The following SHISA7 variants were observed in gnomAD, a reference collection of about 807,000 sequenced individuals.
SHISA7 encodes the protein shisa family member 7, also known as protein shisa-7.
SHISA7 carries 6 observed loss-of-function variants against 23.9 expected under a neutral mutation model. The observed-to-expected ratio is 0.25, with a 90% CI of 0.14 to 0.50. The LOEUF is 0.50. Ranked by LOEUF, SHISA7 falls within the 20% of genes least tolerant of loss-of-function variation. The pLI, the probability that SHISA7 is intolerant of heterozygous loss-of-function variation, is 0.98. For missense variants in SHISA7, 671 were observed against 801.1 expected (o/e 0.84, Z 1.96); for synonymous variants, 386 against 398.3 (o/e 0.97, Z 0.37).
Position 55,433,210 on chromosome 19 carries a change from G to T in SHISA7, c.1563C>A (p.Gly521=). 6.5e-7 allele frequency: 1 copy of T among 1,529,346 alleles called. No homozygotes were observed. Among genetic ancestry groups the T allele is most frequent in the South Asian group, 1.2e-5 (1 of 83,802 alleles). The allele number at this position is 1,529,346 out of a possible 1,614,324, so 94.7% of individuals were successfully genotyped here. ...GTLEQLQFIP[G]HHLPQHLRTA... is the part of the protein sequence containing the mutation. The stretch of plus-strand genomic sequence containing the variant: ...TGCGCAGGTGCTGGGGCAGGTGGTG[G>T]CCCGGGATGAACTGCAGCTGCTCCA... Residue 521 remains glycine, a synonymous_variant, in exon 4 of 4, where the codon GGC becomes GGA. Coordinates refer to ENST00000376325, the MANE Select transcript of SHISA7 (RefSeq NM_001145176.2). The surrounding 1 kb of genome is among the most constrained non-coding windows in gnomAD (Gnocchi z 8.4).
rs1985496680 is a variant in SHISA7 at position 55,437,652 on chromosome 19, G to A, written c.929C>T (p.Ala310Val). 25 of 1,551,504 alleles carry A rather than the reference G, an allele frequency of 1.6e-5. No homozygotes were observed. Among genetic ancestry groups the A allele is most frequent in the Non-Finnish European group, 2.1e-5 (24 of 1,146,970 alleles). Reference sequence around the variant, plus strand: ...GCGGTTCAGCTCGGATTTCACGGCAGCCTCGTAGGACGGGGGCAGATGCGA... The same window carrying A: ...GCGGTTCAGCTCGGATTTCACGGCAACCTCGTAGGACGGGGGCAGATGCGA... ...NLSHLPPSYE[A>V]AVKSELNRYS... is the part of the protein sequence containing the mutation. Residue 310 changes from alanine (A) to valine (V), a missense_variant, in exon 3 of 4, where the codon GCT becomes GTT. By Grantham distance (64) the Ala-to-Val change is moderately conservative. Coordinates refer to ENST00000376325, the MANE Select transcript of SHISA7 (RefSeq NM_001145176.2).
intron 2 of SHISA7, among the ~76,000 whole-genome samples, chr19:55,438,299 G>A (rs938973750): frequency 4.6e-5 from 7 of 152,314 alleles, no homozygotes; most frequent in South Asian, 2.1e-4. Flanking sequence ...GCCCCAAGAG[G>A]GGGGTACTGG....
chr19:55,442,340 C>T lies in SHISA7; in HGVS notation c.524G>A (p.Gly175Asp), dbSNP rs1599875340. The T allele has an allele frequency of 2.0e-6, 3 of 1,467,244 alleles. No homozygotes were observed. The highest frequency in any genetic ancestry group is 1.8e-6 in the Non-Finnish European group (2 of 1,115,026). 90.9% of individuals were successfully genotyped at this position (1,467,244 alleles called of 1,614,324 possible). A position where few individuals can be genotyped will look rare whatever the true frequency, so the allele number is the denominator to read the frequency against. The stretch of plus-strand genomic sequence containing the variant: ...GCCCCCGGGGCCCTCGCCCCCGCGG[C>T]CCCCGGCACCCCCAGTCCGGCCCCC... ...LEGGRTGGAG[G>D]RGGEGPGGST... Residue 175 changes from glycine to aspartate, a missense_variant, in exon 1 of 4, where the codon GGC (glycine) becomes GAC (aspartate). By Grantham distance (94) the Gly-to-Asp change is moderately conservative. This residue lies in a region of SHISA7 where 59 missense variants were observed against 57.2 expected (regional missense o/e 1.03). Coordinates refer to ENST00000376325, the MANE Select transcript of SHISA7 (RefSeq NM_001145176.2).
Position 55,443,109 on chromosome 19 carries a change from T to G in SHISA7, c.-246A>C. Among the ~76,000 whole-genome samples the G allele has an allele frequency of 6.8e-6, 1 of 146,662 alleles. No homozygotes were observed. Among genetic ancestry groups the G allele is most frequent in the African/African-American group, 2.5e-5 (1 of 39,378 alleles). ...CCGCCCCACGCGCGGTGGGCGACGA[T>G]GGGAGAGTAATGGAAACGCGCCCGG... On this transcript the variant is annotated 5_prime_UTR_variant, in exon 1 of 4. Coordinates refer to ENST00000376325, the MANE Select transcript of SHISA7 (RefSeq NM_001145176.2).
Position 55,442,848 on chromosome 19 carries a change from G to A in SHISA7, c.16C>T (p.Leu6Phe). 1 of 1,391,054 alleles carries A rather than the reference G, an allele frequency of 7.2e-7. No individual in the cohort carries two copies. The highest frequency in any genetic ancestry group is 9.3e-7 in the Non-Finnish European group (1 of 1,074,820). 86.2% of individuals were successfully genotyped at this position (1,391,054 alleles called of 1,614,324 possible). A position where few individuals can be genotyped will look rare whatever the true frequency, so the allele number is the denominator to read the frequency against. MPALLLLVLLASSAGQ... is the reference protein window; with the variant it reads MPALLFLVLLASSAGQ... Reference sequence around the variant, plus strand: ...GCGCTAGAGGCCAGGAGTACGAGGAGCAGGAGGGCCGGCATGGGGCTTGCA... The same window carrying A: ...GCGCTAGAGGCCAGGAGTACGAGGAACAGGAGGGCCGGCATGGGGCTTGCA... The change falls in exon 1 of 4, where the codon CTC becomes TTC. Residue 6 changes from leucine (L) to phenylalanine (F), a missense_variant. Transcript: ENST00000376325.
chr19:55,437,221 C>A (rs1006999210), intron 3 of SHISA7, among the ~76,000 whole-genome samples: 1 of 152,130 alleles, frequency 6.6e-6, no homozygotes, highest in African/African-American at 2.4e-5. Flanking sequence ...AAATGAGGCC[C>A]GCCGGTGGCG....
At chr19:55,439,722 C>T (rs1293265870) in intron 2 of SHISA7, among the ~76,000 whole-genome samples, 1 of 152,058 alleles carries the variant, frequency 6.6e-6, no homozygotes, top group Non-Finnish European at 1.5e-5. Flanking sequence ...CGCCTCTCCT[C>T]CTCCAGGCCT....
intron 1 of SHISA7, 102 bp downstream of exon 1, chr19:55,442,091 C>T (rs568304859): frequency 3.1e-4 from 380 of 1,207,600 alleles, no homozygotes; most frequent in Non-Finnish European, 3.8e-4. Flanking sequence ...GGTCTCTGAC[C>T]ACCACGCCCT....
rs1985221172 is a variant in SHISA7 at position 55,432,139 on chromosome 19, G to C, written c.*1017C>G. The stretch of plus-strand genomic sequence containing the variant: ...ACACAGACCATCATCTCTGGAGGAG[G>C]CCCTCCACATGGGCGGCTCCCCAGC... On this transcript the variant is annotated 3_prime_UTR_variant, in exon 4 of 4. Coordinates refer to ENST00000376325, the MANE Select transcript of SHISA7 (RefSeq NM_001145176.2). This position sits in a 1 kb window ranked among gnomAD's most constrained non-coding sequence, Gnocchi z 4.6. The C allele has an allele frequency of 6.5e-6, 1 of 152,682 alleles. No individual in the cohort carries two copies. Among genetic ancestry groups the C allele is most frequent in the African/African-American group, 2.4e-5 (1 of 41,414 alleles). 9.5% of individuals were successfully genotyped at this position (152,682 alleles called of 1,614,324 possible).
At position 55,433,400 on chromosome 19, in the gene SHISA7, G is replaced by A. The variant is rs1985261381; in HGVS notation, c.1373C>T (p.Pro458Leu). ...AASHSNLLLG[P>L]GGPPTPLRGL... Reference sequence around the variant, plus strand: ...GCGCAGCGGTGTTGGGGGCCCCCCGGGCCCCAGCAGCAGGTTGGAGTGCGA... The same window carrying A: ...GCGCAGCGGTGTTGGGGGCCCCCCGAGCCCCAGCAGCAGGTTGGAGTGCGA... Residue 458 changes from proline (P) to leucine (L), a missense_variant, in exon 4 of 4, where the codon CCC (proline) becomes CTC (leucine). Transcript: ENST00000376325. The surrounding 1 kb of genome is among the most constrained non-coding windows in gnomAD (Gnocchi z 8.4). 4 of 1,326,114 alleles carry A rather than the reference G, an allele frequency of 3.0e-6. No individual in the cohort carries two copies. Among genetic ancestry groups the A allele is most frequent in the Non-Finnish European group, 3.8e-6 (4 of 1,046,582 alleles). 82.1% of individuals were successfully genotyped at this position (1,326,114 alleles called of 1,614,324 possible).
At position 55,432,987 on chromosome 19, in the gene SHISA7, T is replaced by G; in HGVS notation, c.*169A>C. 2.4e-6 allele frequency: 2 copies of G among 816,340 alleles called. No individual in the cohort carries two copies. The highest frequency in any genetic ancestry group is 3.6e-6 in the Non-Finnish European group (2 of 561,242). The allele number at this position is 816,340 out of a possible 1,614,324, so 50.6% of individuals were successfully genotyped here. On this transcript the variant is annotated 3_prime_UTR_variant, in exon 4 of 4. Transcript: ENST00000376325. The surrounding 1 kb of genome is among the most constrained non-coding windows in gnomAD (Gnocchi z 4.6). ...GGAGGCCTTGGCTCAAGCAGTGAAG[T>G]AATAGGAGGAGGAATCTTGTCTGCC...
rs951888048 is a variant in SHISA7, at chr19:55,433,702, C to T, written c.1071G>A (p.Thr357=). The T allele has an allele frequency of 3.7e-5, 54 of 1,479,322 alleles. No homozygotes were observed. In the East Asian group the frequency reaches 1.4e-3, roughly 39 times the overall value. The allele number at this position is 1,479,322 out of a possible 1,614,324, so 91.6% of individuals were successfully genotyped here. A position where few individuals can be genotyped will look rare whatever the true frequency, so the allele number is the denominator to read the frequency against. Residue 357 remains threonine (T), a synonymous_variant, in exon 4 of 4, where the codon ACG becomes ACA. Transcript: ENST00000376325. The surrounding 1 kb of genome is among the most constrained non-coding windows in gnomAD (Gnocchi z 8.4). ...LPLHALRRPG[T]GGGYRMEAWG... ...AGGCCTCCATGCGATAGCCGCCCCC[C>T]GTGCCCGGCCGCCGCAGCGCGTGCA... is the stretch of plus-strand genomic sequence containing the variant.
Position 55,433,394 on chromosome 19 carries a change from C to G in SHISA7, c.1379G>C (p.Gly460Ala). Residue 460 changes from glycine to alanine, a missense_variant, in exon 4 of 4, where the codon GGG (glycine) becomes GCG (alanine). This residue lies in a region of SHISA7 where 457 missense variants were observed against 488.3 expected (regional missense o/e 0.94). Coordinates refer to ENST00000376325, the MANE Select transcript of SHISA7 (RefSeq NM_001145176.2). The surrounding 1 kb of genome is among the most constrained non-coding windows in gnomAD (Gnocchi z 8.4). ...CAGCCCGCGCAGCGGTGTTGGGGGC[C>G]CCCCGGGCCCCAGCAGCAGGTTGGA... ...SHSNLLLGPG[G>A]PPTPLRGLPP... is the part of the protein sequence containing the mutation. 2 of 1,326,150 alleles carry G rather than the reference C, an allele frequency of 1.5e-6. No homozygotes were observed. The highest frequency in any genetic ancestry group is 9.6e-7 in the Non-Finnish European group (1 of 1,046,680). The allele number at this position is 1,326,150 out of a possible 1,614,324, so 82.1% of individuals were successfully genotyped here.
intron 3 of SHISA7, among the ~76,000 whole-genome samples, chr19:55,435,261 A>G (rs1178032846): frequency 3.0e-4 from 24 of 79,512 alleles, no homozygotes; most frequent in Admixed American, 6.7e-4. Context: ...TGTGGTGTGT[A>G]TGTGTGTGCG....
chr19:55,433,637 T>C lies in SHISA7; in HGVS notation c.1136A>G (p.Asn379Ser). Residue 379 changes from asparagine (N) to serine (S), a missense_variant, in exon 4 of 4, where the codon AAC becomes AGC. Transcript: ENST00000376325. This position sits in a 1 kb window ranked among gnomAD's most constrained non-coding sequence, Gnocchi z 8.4. Reference protein sequence around the residue: ...PEELGLAPAPNPRRVMSQEHL... With the variant: ...PEELGLAPAPSPRRVMSQEHL... ...CTCCTGGGACATGACCCGCCGGGGG[T>C]TGGGCGCGGGCGCCAGGCCCAGCTC... is the stretch of plus-strand genomic sequence containing the variant. The C allele has an allele frequency of 1.3e-5, 19 of 1,489,336 alleles. No individual in the cohort carries two copies. The highest frequency in any genetic ancestry group is 1.7e-5 in the Non-Finnish European group (19 of 1,126,918). 92.3% of individuals were successfully genotyped at this position (1,489,336 alleles called of 1,614,324 possible). A position where few individuals can be genotyped will look rare whatever the true frequency, so the allele number is the denominator to read the frequency against.
chr19:55,434,150 C>T (rs1985292832), intron 3 of SHISA7, among the ~76,000 whole-genome samples: 1 of 152,144 alleles, frequency 6.6e-6, no homozygotes, highest in African/African-American at 2.4e-5. Flanking sequence ...GGGTAGTGAG[C>T]AGCATTTTGA....
intron 2 of SHISA7, among the ~76,000 whole-genome samples, chr19:55,439,622 C>T (rs1344242460): frequency 6.6e-6 from 1 of 152,242 alleles, no homozygotes; most frequent in African/African-American, 2.4e-5. Context: ...ACCTCACAAG[C>T]TCTGCCACCT....
In SHISA7 at chr19:55,437,756, TG is replaced by T; in HGVS notation, c.827-3del. On this transcript the variant is annotated splice_region_variant and splice_polypyrimidine_tract_variant and intron_variant, in intron 2 of 3. Transcript: ENST00000376325. Reference sequence around the variant, plus strand: ...TGGGCGGCGGCAAGGCTCGCCAGTCTGGGTTAGAGGGGGCAGGGCCAGGGTC... The same window carrying T: ...TGGGCGGCGGCAAGGCTCGCCAGTCTGGTTAGAGGGGGCAGGGCCAGGGTC... 3.2e-6 allele frequency: 5 copies of T among 1,549,778 alleles called. No homozygotes were observed. The highest frequency in any genetic ancestry group is 4.4e-6 in the Non-Finnish European group (5 of 1,146,278).
intron 2 of SHISA7, among the ~76,000 whole-genome samples, chr19:55,438,877 C>CAT (rs1555754023): frequency 1.3e-5 from 2 of 151,612 alleles, no homozygotes; most frequent in Non-Finnish European, 1.5e-5. Flanking sequence ...AGCACCCCCC[C>CAT]CCCTGGTGCC....
Sources: allele counts gnomAD v4.1 joint callset (sites outside exome capture counted in the v4.1 genomes callset), GRCh38; gene constraint gnomAD v4.1.1; regional missense constraint gnomAD v4.1.1; non-coding constraint Gnocchi (gnomAD v3.1); transcripts MANE v1.5; gene names NCBI Gene and HGNC (gene_info 2026-07-23, HGNC 2026-07-21).